Variants in STK33 observed in about 807,000 individuals in gnomAD.
STK33 encodes the protein serine/threonine kinase 33.
A neutral mutation model predicts 58.0 loss-of-function variants in STK33; 52 were observed. The observed-to-expected ratio is 0.90, with a 90% CI of 0.72 to 1.13. The LOEUF (loss-of-function observed/expected upper bound fraction) is 1.13, where lower values mean the gene tolerates loss of function less well. Ranked by LOEUF, STK33 falls within the 50% of genes most tolerant of loss-of-function variation. The pLI is 0.00. For synonymous variants in STK33, 215 were observed against 200.1 expected (o/e 1.07, Z -0.63); for missense variants, 630 against 604.2 (o/e 1.04, Z -0.45).
intron 6 of STK33, among the ~76,000 whole-genome samples, chr11:8,472,177 C>A (rs1431663688): frequency 6.6e-6 from 1 of 152,146 alleles, no homozygotes; most frequent in African/African-American, 2.4e-5. Context: ...GATCCTCCTT[C>A]CTCAGCCTTT....
intron 1 of STK33, among the ~76,000 whole-genome samples, chr11:8,555,533 T>C (rs1378436288): frequency 1.3e-5 from 2 of 151,786 alleles, no homozygotes. Context: ...GGTGTGGTGG[T>C]GAGCGCCTGT....
rs575334659 is a variant in STK33 at position 8,524,555 on chromosome 11, C to T, written c.-465-43941G>A. Among the ~76,000 whole-genome samples the T allele has an allele frequency of 9.9e-5, 15 of 152,174 alleles. No homozygotes were observed. In the South Asian group the frequency reaches 2.1e-3, roughly 21 times the overall value. ...CACTAATTATCCAGGAAATGCAAAT[C>T]AAAACCATGATGAACTATCTTAACA... is the stretch of plus-strand genomic sequence containing the variant. On this transcript the variant is annotated intron_variant, in intron 1 of 15. Transcript: ENST00000687296.
At chr11:8,576,251 G>A (rs1191017600) in intron 1 of STK33, among the ~76,000 whole-genome samples, 1 of 152,168 alleles carries the variant, frequency 6.6e-6, no homozygotes, top group Non-Finnish European at 1.5e-5. Context: ...TGCGTTATTA[G>A]TGATCATACT....
chr11:8,419,051 A>G (rs1001150388), intron 14 of STK33, among the ~76,000 whole-genome samples: 1 of 151,844 alleles, frequency 6.6e-6, no homozygotes, highest in African/African-American at 2.4e-5. Context: ...GTTTGTTGAT[A>G]GTTTCTTGTA....
At chr11:8,485,543 T>C (rs1368561062) in intron 1 of STK33, among the ~76,000 whole-genome samples, 1 of 152,164 alleles carries the variant, frequency 6.6e-6, no homozygotes, top group Non-Finnish European at 1.5e-5. Context: ...AAGTCCAGAG[T>C]AGAAACATCT....
intron 1 of STK33, among the ~76,000 whole-genome samples, chr11:8,593,432 T>C (rs566849776): frequency 6.6e-6 from 1 of 152,186 alleles, no homozygotes; most frequent in African/African-American, 2.4e-5. Flanking sequence ...AACGCTCAAG[T>C]GCTTTTCACA....
At chr11:8,442,306 T>C (rs1423831286) in intron 11 of STK33, among the ~76,000 whole-genome samples, 1 of 152,218 alleles carries the variant, frequency 6.6e-6, no homozygotes, top group East Asian at 1.9e-4. Context: ...ATTTTTAAAG[T>C]TCCAGTTGCT....
chr11:8,551,755 T>TAA (rs1565342729), intron 1 of STK33, among the ~76,000 whole-genome samples: 4 of 152,202 alleles, frequency 2.6e-5, no homozygotes, highest in Non-Finnish European at 4.4e-5. Flanking sequence ...TATTGCTTCC[T>TAA]AATCTAGGAA....
At chr11:8,360,169 TGACACC>T in the STK33 span, among the ~76,000 whole-genome samples, 1 of 152,250 alleles carries the variant, frequency 6.6e-6, no homozygotes, top group Non-Finnish European at 1.5e-5. Context: ...GATGGTGGCA[TGACACC>T]CTACAACTCC....
chr11:8,451,376 C>T lies in STK33; in HGVS notation c.871+1446G>A, dbSNP rs566936597. Among the ~76,000 whole-genome samples the T allele has an allele frequency of 2.3e-4, 35 of 152,220 alleles. No individual in the cohort carries two copies. The East Asian group carries it at 6.6e-3, about 29-fold the overall frequency. ...GTAGATAAACAAAATGTGGTATATC[C>T]ACGCAATGGACAACTATTCAACAAT... On this transcript the variant is annotated intron_variant, in intron 11 of 15. Coordinates refer to ENST00000687296, the MANE Select transcript of STK33 (RefSeq NM_001352389.2).
chr11:8,571,356 T>C (rs910170469), intron 1 of STK33, among the ~76,000 whole-genome samples: 4 of 152,118 alleles, frequency 2.6e-5, no homozygotes, highest in Non-Finnish European at 4.4e-5. Context: ...ATATCTAGAA[T>C]AAGCAAATTC....
At chr11:8,593,361 T>G (rs895840378) in intron 1 of STK33, among the ~76,000 whole-genome samples, 3 of 152,208 alleles carry the variant, frequency 2.0e-5, no homozygotes, top group Admixed American at 1.3e-4. Flanking sequence ...AAGGTCCTTC[T>G]TAGCTGGTGA....
chr11:8,368,426 G>A, the STK33 span, among the ~76,000 whole-genome samples: 1 of 152,218 alleles, frequency 6.6e-6, no homozygotes, highest in East Asian at 1.9e-4. Context: ...AGGTCGAACT[G>A]GGCCCTGGCT....
chr11:8,490,754 T>C (rs1950550347), intron 1 of STK33, among the ~76,000 whole-genome samples: 1 of 152,164 alleles, frequency 6.6e-6, no homozygotes, highest in South Asian at 2.1e-4. Context: ...TGTTCTGCAA[T>C]CTTTGTTGTT....
At chr11:8,358,613 CAGG>C in the STK33 span, among the ~76,000 whole-genome samples, 93 of 152,248 alleles carry the variant, frequency 6.1e-4, no homozygotes, top group African/African-American at 2.2e-3. Context: ...GAGGAATGGC[CAGG>C]AACAGCTGGG....
At chr11:8,372,773 T>C in the STK33 span, among the ~76,000 whole-genome samples, 1 of 152,184 alleles carries the variant, frequency 6.6e-6, no homozygotes, top group African/African-American at 2.4e-5. Context: ...GCCAAGACCA[T>C]GTCTTTCTGC....
intron 15 of STK33, among the ~76,000 whole-genome samples, chr11:8,401,499 C>T (rs1305352302): frequency 6.6e-6 from 1 of 152,104 alleles, no homozygotes; most frequent in African/African-American, 2.4e-5. Flanking sequence ...AATGTTAAGA[C>T]CTAAAACCAT....
At chr11:8,407,479 T>C (rs1157821281) in intron 15 of STK33, among the ~76,000 whole-genome samples, 1 of 152,140 alleles carries the variant, frequency 6.6e-6, no homozygotes, top group Non-Finnish European at 1.5e-5. Context: ...GTTTTCTTTT[T>C]AGTAAAGTTC....
At chr11:8,447,029 G>C (rs1181238861) in intron 11 of STK33, among the ~76,000 whole-genome samples, 1 of 152,136 alleles carries the variant, frequency 6.6e-6, no homozygotes, top group Admixed American at 6.6e-5. Flanking sequence ...GAGTGAACAG[G>C]CAACCTAGAG....
Sources: allele counts gnomAD v4.1 joint callset (sites outside exome capture counted in the v4.1 genomes callset), GRCh38; gene constraint gnomAD v4.1.1; transcripts MANE v1.5; gene names NCBI Gene and HGNC (gene_info 2026-07-23, HGNC 2026-07-21).